The following GARRE1 variants were observed in gnomAD, a reference collection of about 807,000 sequenced individuals.
GARRE1 encodes the protein granule associated Rac and RHOG effector 1.
Under a neutral mutation model 103.2 loss-of-function variants are expected in GARRE1, and 49 were observed. That is an observed-to-expected ratio of 0.47 (90% CI 0.38 to 0.60). The LOEUF (loss-of-function observed/expected upper bound fraction) is 0.60. GARRE1 is among the 20% of genes least tolerant of loss of function. GARRE1 has a pLI of 0.00. For missense variants in GARRE1, 1,199 were observed against 1,370.5 expected, an observed-to-expected ratio of 0.87 and a Z score of 1.98; for synonymous variants, 505 against 532.8, an observed-to-expected ratio of 0.95 and a Z score of 0.72.
intron 3 of GARRE1, 146 bp from the exon 4 acceptor site, chr19:34,327,275 C>A: frequency 1.5e-6 from 1 of 661,660 alleles, no homozygotes; most frequent in Non-Finnish European, 2.4e-6. Flanking sequence ...GCAATACAAA[C>A]AATCTAGAAC....
At chr19:34,278,930 A>G (rs758473427) in intron 1 of GARRE1, among the ~76,000 whole-genome samples, 9 of 152,052 alleles carry the variant, frequency 5.9e-5, no homozygotes, top group Non-Finnish European at 1.0e-4. Flanking sequence ...CAGCCTCCCA[A>G]AGTGCTAGGA....
At chr19:34,267,216 G>A (rs1260119721) in intron 1 of GARRE1, among the ~76,000 whole-genome samples, 1 of 152,060 alleles carries the variant, frequency 6.6e-6, no homozygotes, top group East Asian at 1.9e-4. Flanking sequence ...AGTGAGCCGC[G>A]ATCACACAAC....
chr19:34,325,875 C>T (rs994405050), intron 3 of GARRE1, among the ~76,000 whole-genome samples: 3 of 152,130 alleles, frequency 2.0e-5, no homozygotes, highest in African/African-American at 7.2e-5. Flanking sequence ...CTTGACACCC[C>T]CCACCCCACC....
intron 1 of GARRE1, among the ~76,000 whole-genome samples, chr19:34,264,086 C>T (rs377729707): frequency 3.9e-4 from 59 of 152,056 alleles, no homozygotes; most frequent in African/African-American, 1.3e-3. Flanking sequence ...TATGCATGAC[C>T]GTAAGTGTAA....
rs1454743731 is a variant in GARRE1, at chr19:34,355,213, TTTTCTC to T, written c.*2260_*2265del. On this transcript the variant is annotated 3_prime_UTR_variant, in exon 14 of 14. Transcript: ENST00000299505. The stretch of plus-strand genomic sequence containing the variant: ...CACTAATTGTCACTTTCCAGTTTGT[TTTTCTC>T]TATTAAGGAAGACATTTTCTAATTG... 1.3e-5 allele frequency: 2 copies of T among 152,692 alleles called. No individual in the cohort carries two copies. The highest frequency in any genetic ancestry group is 6.5e-5 in the Admixed American group (1 of 15,286). 9.5% of individuals were successfully genotyped at this position (152,692 alleles called of 1,614,324 possible). A position where few individuals can be genotyped will look rare whatever the true frequency, so the allele number is the denominator to read the frequency against.
chr19:34,333,601 A>G, intron 7 of GARRE1, 103 bp from the exon 8 acceptor site: 1 of 720,388 alleles, frequency 1.4e-6, no homozygotes. Flanking sequence ...CTGCTAGGGG[A>G]ATAGTTCTTA....
intron 1 of GARRE1, chr19:34,296,211 A>G (rs1369044622): frequency 3.7e-6 from 2 of 542,052 alleles, no homozygotes; most frequent in African/African-American, 1.9e-5. Flanking sequence ...TCCCCGCCCC[A>G]TGCAGACGGC....
intron 2 of GARRE1, among the ~76,000 whole-genome samples, chr19:34,319,527 C>T (rs776897532): frequency 1.8e-4 from 27 of 151,976 alleles, no homozygotes; most frequent in Non-Finnish European, 3.2e-4. Flanking sequence ...TTTCCTTTAC[C>T]TTCTGAATAC....
intron 2 of GARRE1, among the ~76,000 whole-genome samples, chr19:34,318,016 G>C (rs917930158): frequency 6.6e-6 from 1 of 152,204 alleles, no homozygotes; most frequent in African/African-American, 2.4e-5. Flanking sequence ...GGAGTTTGGG[G>C]GGCTTCAGCC....
chr19:34,292,954 C>G (rs2073926326), intron 1 of GARRE1, among the ~76,000 whole-genome samples: 2 of 152,142 alleles, frequency 1.3e-5, no homozygotes, highest in Admixed American at 1.3e-4. Flanking sequence ...AATGATCCTC[C>G]CGCCTCTGCC....
intron 1 of GARRE1, among the ~76,000 whole-genome samples, chr19:34,275,261 C>CAT (rs148593763): frequency 0.031 from 4,669 of 151,738 alleles, 234 homozygotes; most frequent in African/African-American, 0.11. Flanking sequence ...ATTCACATAC[C>CAT]ATACAGTTTA....
intron 1 of GARRE1, among the ~76,000 whole-genome samples, chr19:34,255,848 A>G (rs185957182): frequency 1.6e-5 from 2 of 124,260 alleles, no homozygotes; most frequent in African/African-American, 7.6e-5. Flanking sequence ...AGGTAACTTT[A>G]TTTGTTTTTT....
rs201292704 is a variant in GARRE1, at chr19:34,328,026, C to A, written c.979C>A (p.Arg327=). ...CGAGGCGGAAGCCCAGCAGACGGGG[C>A]GGAGGCAGACACCCCCGCAGCCCAT... ...CSEAEAQQTG[R]RQTPPQPMQC... The change falls in exon 6 of 14, where the codon CGG becomes AGG. Residue 327 remains arginine, a synonymous_variant. Coordinates refer to ENST00000299505, the MANE Select transcript of GARRE1 (RefSeq NM_014686.5). 43 of 1,614,124 alleles carry A rather than the reference C, an allele frequency of 2.7e-5. 1 individual carries two copies. In the East Asian group the frequency reaches 6.5e-4, roughly 24 times the overall value.
Position 34,352,682 on chromosome 19 carries a change from C to T in GARRE1, c.2940C>T (p.Pro980=). The change falls in exon 14 of 14, where the codon CCC becomes CCT. Residue 980 remains proline, a synonymous_variant. Transcript: ENST00000299505. ...CCAAAACGTGGCCACCCAAAGCACC[C>T]TGGCAGCACCCTTCCCCGCTTCCCA... is the stretch of plus-strand genomic sequence containing the variant. ...NKTKTWPPKA[P]WQHPSPLPST... 1 of 1,612,710 alleles carries T rather than the reference C, an allele frequency of 6.2e-7. No homozygotes were observed. The highest frequency in any genetic ancestry group is 1.1e-5 in the South Asian group (1 of 91,048).
At chr19:34,298,791 A>G (rs1326044547) in intron 1 of GARRE1, among the ~76,000 whole-genome samples, 1 of 152,204 alleles carries the variant, frequency 6.6e-6, no homozygotes, top group African/African-American at 2.4e-5. Flanking sequence ...GGGAGAGCAG[A>G]TGGTTTCAAG....
Position 34,353,072 on chromosome 19 carries a change from C to A in GARRE1, c.*117C>A. ...AGCCCCTCAGAGGACCAGTGCGCCC[C>A]ATCCCAGGGAGGGTTCCTTGGGGAC... On this transcript the variant is annotated 3_prime_UTR_variant, in exon 14 of 14. Coordinates refer to ENST00000299505, the MANE Select transcript of GARRE1 (RefSeq NM_014686.5). 1.0e-6 allele frequency: 1 copy of A among 984,862 alleles called. No homozygotes were observed. Among genetic ancestry groups the A allele is most frequent in the South Asian group, 1.7e-5 (1 of 58,178 alleles). The allele number at this position is 984,862 out of a possible 1,614,324, so 61.0% of individuals were successfully genotyped here.
In GARRE1 at chr19:34,320,094, G is replaced by T; in HGVS notation, c.683G>T (p.Arg228Leu). ...ACACCTGAAGTAGAGGAAGCTGTGC[G>T]GTCCTGGCGGGGGGCTGCTGAGGTA... ...GHTPEVEEAV[R>L]SWRGAAEATS... The change falls in exon 3 of 14, where the codon CGG becomes CTG. Residue 228 changes from arginine to leucine, a missense_variant. Arg to Leu is a moderately radical substitution (Grantham distance 102, BLOSUM62 -2). Coordinates refer to ENST00000299505, the MANE Select transcript of GARRE1 (RefSeq NM_014686.5). 6.2e-7 allele frequency: 1 copy of T among 1,614,052 alleles called. No individual in the cohort carries two copies. Among genetic ancestry groups the T allele is most frequent in the Non-Finnish European group, 8.5e-7 (1 of 1,180,042 alleles).
Position 34,344,126 on chromosome 19 carries a change from C to A in GARRE1, c.2521+1671C>A, listed in dbSNP as rs372340802. ...AATTGAACCCCCCCCACAAAAAAAA[C>A]CATCTAAAATTAGTAAGAGAATTTG... On this transcript the variant is annotated intron_variant, in intron 10 of 13. Coordinates refer to ENST00000299505, the MANE Select transcript of GARRE1 (RefSeq NM_014686.5). Among the ~76,000 whole-genome samples, 240 of 152,198 alleles carry A rather than the reference C, an allele frequency of 1.6e-3. 1 individual carries two copies. The highest frequency in any genetic ancestry group is 4.3e-3 in the African/African-American group (179 of 41,532).
chr19:34,311,364 C>T (rs1054390147), intron 2 of GARRE1, among the ~76,000 whole-genome samples: 1 of 152,118 alleles, frequency 6.6e-6, no homozygotes, highest in African/African-American at 2.4e-5. Context: ...AGTGGGATAT[C>T]TCCTTAAGGG....
Sources: gnomAD v4.1 joint callset for allele counts (sites outside exome capture counted in the v4.1 genomes callset) on GRCh38, gnomAD v4.1.1 for gene constraint, MANE v1.5 for transcripts, NCBI Gene and HGNC (gene_info 2026-07-23, HGNC 2026-07-21) for gene names.